Variants in SOBP observed in about 807,000 individuals in gnomAD.
The protein encoded by SOBP is sine oculis binding protein homolog, also known as sine oculis-binding protein homolog.
Under a neutral mutation model 53.6 loss-of-function variants are expected in SOBP, and 4 were observed. That is an observed-to-expected ratio of 0.07 (90% CI 0.04 to 0.17). The LOEUF is 0.17. Ranked by LOEUF, SOBP falls within the 10% of genes least tolerant of loss-of-function variation. The probability of loss-of-function intolerance (pLI) is 1.00; values close to 1 mark genes in which losing one functional copy is unlikely to be tolerated. For synonymous variants in SOBP, 584 were observed against 522.6 expected, an observed-to-expected ratio of 1.12 and a Z score of -1.60; for missense variants, 1,088 against 1,204.7, an observed-to-expected ratio of 0.90 and a Z score of 1.43.
rs1583255119 is a variant in SOBP, at chr6:107,598,732, A to T, written c.669+11557A>T. The stretch of plus-strand genomic sequence containing the variant: ...GTTAGAACAGTCCAGGCACCCTGTG[A>T]TGAGGACAAAGACTTCTAACAGCTG... On this transcript the variant is annotated intron_variant, in intron 5 of 6. Coordinates refer to ENST00000317357, the MANE Select transcript of SOBP (RefSeq NM_018013.4). Among the ~76,000 whole-genome samples, 6 of 152,316 alleles carry T rather than the reference A, an allele frequency of 3.9e-5. No individual in the cohort carries two copies. The South Asian group carries it at 8.3e-4, about 21-fold the overall frequency.
rs747069252 is a variant in SOBP at position 107,634,541 on chromosome 6, C to T, written c.1697C>T (p.Ala566Val). 20 of 1,609,600 alleles carry T rather than the reference C, an allele frequency of 1.2e-5. No individual in the cohort carries two copies. In the Admixed American group the frequency reaches 1.5e-4, roughly 12 times the overall value. Residue 566 changes from alanine (A) to valine (V), a missense_variant, in exon 6 of 7, where the codon GCC (alanine) becomes GTC (valine). By Grantham distance (64) the Ala-to-Val change is moderately conservative (BLOSUM62 0). This residue lies in a region of SOBP where 665 missense variants were observed against 629.7 expected (regional missense o/e 1.06). Transcript: ENST00000317357. This position sits in a 1 kb window ranked among gnomAD's most constrained non-coding sequence, Gnocchi z 4.5. Reference sequence around the variant, plus strand: ...AACGGGGAGAACTTCATTCCGAACGCCCCTGGCGACTCCGCGGCGGCGGGC... The same window carrying T: ...AACGGGGAGAACTTCATTCCGAACGTCCCTGGCGACTCCGCGGCGGCGGGC... Reference protein sequence around the residue: ...SSNGENFIPNAPGDSAAAGGK... With the variant: ...SSNGENFIPNVPGDSAAAGGK...
At chr6:107,500,542 G>A (rs1293371603) in intron 1 of SOBP, among the ~76,000 whole-genome samples, 1 of 150,512 alleles carries the variant, frequency 6.6e-6, no homozygotes, top group Non-Finnish European at 1.5e-5. Flanking sequence ...TTTTTTTTGA[G>A]AAGGAATCTC....
At chr6:107,653,675 G>A (rs1279208428) in intron 6 of SOBP, among the ~76,000 whole-genome samples, 4 of 152,196 alleles carry the variant, frequency 2.6e-5, no homozygotes, top group Non-Finnish European at 5.9e-5. Flanking sequence ...TTTGAGGAAG[G>A]AAATAATACA....
At chr6:107,517,263 A>C (rs1459200593) in intron 3 of SOBP, among the ~76,000 whole-genome samples, 1 of 152,258 alleles carries the variant, frequency 6.6e-6, no homozygotes, top group Non-Finnish European at 1.5e-5. Flanking sequence ...AAAATACCAT[A>C]GACTGGGTAG....
chr6:107,621,252 C>T (rs1448007824), intron 5 of SOBP: 1 of 273,500 alleles, frequency 3.7e-6, no homozygotes, highest in Non-Finnish European at 5.6e-6. Context: ...GGCATTTGGC[C>T]TGGATGAGGA....
chr6:107,528,610 A>G (rs908029695), intron 3 of SOBP, among the ~76,000 whole-genome samples: 2 of 152,246 alleles, frequency 1.3e-5, no homozygotes, highest in African/African-American at 4.8e-5. Flanking sequence ...TTTGAAAATC[A>G]ATCAACAAAT....
In SOBP at chr6:107,490,645, C is replaced by G. The variant is rs1317932782; in HGVS notation, c.29C>G (p.Pro10Arg). The G allele has an allele frequency of 5.6e-6, 9 of 1,607,888 alleles. No individual in the cohort carries two copies. The highest frequency in any genetic ancestry group is 7.6e-6 in the Non-Finnish European group (9 of 1,176,756). The change falls in exon 1 of 7, where the codon CCT becomes CGT. Residue 10 changes from proline (P) to arginine (R), a missense_variant. By Grantham distance (103) the Pro-to-Arg change is moderately radical. Around this residue, in one of 6 missense-constraint regions of SOBP, gnomAD observed 37 missense variants for 37.8 expected, o/e 0.98. Coordinates refer to ENST00000317357, the MANE Select transcript of SOBP (RefSeq NM_018013.4). ...GCAGAAATGGAGAAAGAAGGGAGAC[C>G]TCCCGAAAATAAACGGAGCAGGAAG... MAEMEKEGR[P>R]PENKRSRKPA... is the part of the protein sequence containing the mutation.
rs147411598 is a variant in SOBP at position 107,652,123 on chromosome 6, T to C, written c.*4-6084T>C. Among the ~76,000 whole-genome samples the C allele has an allele frequency of 4.1e-3, 626 of 152,336 alleles. 9 individuals are homozygous for C. Among genetic ancestry groups the C allele is most frequent in the African/African-American group, 0.014 (591 of 41,568 alleles). ...GAGGAATTTTGACTTCCAAGTCTTA[T>C]CATTTAAGAGATACACTTCATAAGG... On this transcript the variant is annotated intron_variant, in intron 6 of 6. Coordinates refer to ENST00000317357, the MANE Select transcript of SOBP (RefSeq NM_018013.4).
chr6:107,588,726 G>A (rs1245613493), intron 5 of SOBP, among the ~76,000 whole-genome samples: 1 of 152,172 alleles, frequency 6.6e-6, no homozygotes, highest in Non-Finnish European at 1.5e-5. Flanking sequence ...TATACTGGAG[G>A]AAGCAAAACA....
chr6:107,629,231 C>CTTTT (rs5878925), intron 5 of SOBP, among the ~76,000 whole-genome samples: 3 of 123,330 alleles, frequency 2.4e-5, no homozygotes, highest in African/African-American at 6.0e-5. Flanking sequence ...GTGCTAATAT[C>CTTTT]TTTTTTTTTT....
chr6:107,633,151 CTT>C (rs1004966781), intron 5 of SOBP, among the ~76,000 whole-genome samples: 3 of 152,202 alleles, frequency 2.0e-5, no homozygotes, highest in African/African-American at 7.2e-5. Context: ...CTCCAAAACT[CTT>C]TAGGTTTGCA....
chr6:107,633,975 C>T lies in SOBP; in HGVS notation c.1131C>T (p.Gly377=), dbSNP rs750657949. 6.8e-6 allele frequency: 11 copies of T among 1,614,078 alleles called. No individual in the cohort carries two copies. Among genetic ancestry groups the T allele is most frequent in the Non-Finnish European group, 8.5e-6 (10 of 1,179,994 alleles). Residue 377 remains glycine (G), a synonymous_variant, in exon 6 of 7, where the codon GGC becomes GGT. Transcript: ENST00000317357. Reference sequence around the variant, plus strand: ...CTGCTAGCATCGGGCCTCCCCTTGGCGTCCCGCCTCGGAGCCCTCCCATGG... The same window carrying T: ...CTGCTAGCATCGGGCCTCCCCTTGGTGTCCCGCCTCGGAGCCCTCCCATGG... ...QPPASIGPPL[G]VPPRSPPMVM... is the part of the protein sequence containing the mutation.
At chr6:107,652,025 T>G (rs1277192943) in intron 6 of SOBP, among the ~76,000 whole-genome samples, 3 of 152,236 alleles carry the variant, frequency 2.0e-5, no homozygotes, top group African/African-American at 7.2e-5. Flanking sequence ...AGAGCTCTGA[T>G]GGAGCGGTAC....
At chr6:107,508,307 A>G (rs1783054629) in intron 3 of SOBP, among the ~76,000 whole-genome samples, 2 of 151,966 alleles carry the variant, frequency 1.3e-5, no homozygotes, top group Non-Finnish European at 2.9e-5. Flanking sequence ...ATGTCCTTTC[A>G]GCCTGGCACA....
intron 6 of SOBP, among the ~76,000 whole-genome samples, chr6:107,641,196 T>C (rs903643015): frequency 6.6e-6 from 1 of 152,230 alleles, no homozygotes; most frequent in Admixed American, 6.5e-5. Context: ...TAGAATATAT[T>C]GTTTGGCAAT....
intron 4 of SOBP, among the ~76,000 whole-genome samples, chr6:107,540,229 G>A (rs1784112684): frequency 1.3e-5 from 2 of 152,230 alleles, no homozygotes; most frequent in South Asian, 4.1e-4. Flanking sequence ...GGGGATCCAA[G>A]CTATAGGCAT....
Position 107,504,879 on chromosome 6 carries a change from T to G in SOBP, c.235+1084T>G, listed in dbSNP as rs1046732164. On this transcript the variant is annotated intron_variant, in intron 2 of 6. Transcript: ENST00000317357. The stretch of plus-strand genomic sequence containing the variant: ...AAATGAAAAATGCAAGTCATGAGTT[T>G]GTATTCTATAAACTAATAGCTCATA... 3.3e-5 allele frequency among the ~76,000 whole-genome samples: 5 copies of G among 152,360 alleles called. No individual in the cohort carries two copies. The East Asian group carries it at 7.7e-4, about 23-fold the overall frequency.
intron 2 of SOBP, among the ~76,000 whole-genome samples, chr6:107,504,345 A>T (rs1782923025): frequency 6.6e-6 from 1 of 152,212 alleles, no homozygotes; most frequent in Admixed American, 6.5e-5. Context: ...GTGGTAGATG[A>T]TTAGAGCCTA....
In SOBP at chr6:107,515,473, G is replaced by T. The variant is rs189003293; in HGVS notation, c.421+9046G>T. ...ATTAAAATTGAAAACTTCTGTCTGG[G>T]TGTGGTGGCTCACACCTGTAATCCT... is the stretch of plus-strand genomic sequence containing the variant. On this transcript the variant is annotated intron_variant, in intron 3 of 6. Coordinates refer to ENST00000317357, the MANE Select transcript of SOBP (RefSeq NM_018013.4). Among the ~76,000 whole-genome samples the T allele has an allele frequency of 1.6e-4, 25 of 152,296 alleles. 1 individual carries two copies. Among genetic ancestry groups the T allele is most frequent in the Admixed American group, 1.5e-3 (23 of 15,290 alleles).
Sources: gnomAD v4.1 joint callset for allele counts (sites outside exome capture counted in the v4.1 genomes callset) on GRCh38, gnomAD v4.1.1 for gene constraint, gnomAD v4.1.1 regional missense constraint, Gnocchi (gnomAD v3.1) non-coding constraint, MANE v1.5 for transcripts, NCBI Gene and HGNC (gene_info 2026-07-23, HGNC 2026-07-21) for gene names.